ATXN7: variants seen among roughly 807,000 people sequenced by gnomAD.
ATXN7 encodes ataxin 7.
ATXN7 carries 12 observed loss-of-function variants against 70.5 expected under a neutral mutation model. That is an observed-to-expected ratio of 0.17 (90% CI 0.11 to 0.28). The LOEUF (loss-of-function observed/expected upper bound fraction) is 0.28, where lower values mean the gene tolerates loss of function less well. Among genes scored for constraint, ATXN7 ranks in the 10% least tolerant of loss-of-function variants. ATXN7 has a pLI of 1.00. For synonymous variants in ATXN7, 498 were observed against 448.7 expected, an observed-to-expected ratio of 1.11 and a Z score of -1.39; for missense variants, 1,256 against 1,131.7, an observed-to-expected ratio of 1.11 and a Z score of -1.58.
upstream of ATXN7, chr3:63,863,499 C>A: frequency 2.5e-6 from 3 of 1,181,888 alleles, no homozygotes; most frequent in Admixed American, 9.1e-5. Context: ...ACGCTCCCGG[C>A]ACACCCTATA....
chr3:63,895,803 G>GTC (rs1011848847), intron 1 of ATXN7, among the ~76,000 whole-genome samples: 7 of 149,322 alleles, frequency 4.7e-5, no homozygotes, highest in South Asian at 2.1e-4. Context: ...CTCTCTCTGT[G>GTC]TCTCTCTCTC....
intron 1 of ATXN7, among the ~76,000 whole-genome samples, chr3:63,889,069 C>G (rs1703179850): frequency 6.6e-6 from 1 of 152,098 alleles, no homozygotes; most frequent in Non-Finnish European, 1.5e-5. Flanking sequence ...CCATATATTT[C>G]TAGCTTGGGT....
intron 5 of ATXN7, among the ~76,000 whole-genome samples, chr3:63,964,647 C>A (rs1057060002): frequency 6.6e-6 from 1 of 152,166 alleles, no homozygotes. Context: ...GGTTTTAGCC[C>A]CCAAGGTGAA....
chr3:63,968,852 C>G (rs536081743), intron 5 of ATXN7, among the ~76,000 whole-genome samples: 3 of 152,132 alleles, frequency 2.0e-5, no homozygotes, highest in Admixed American at 6.6e-5. Context: ...AGATTTCATG[C>G]CTTGTGTAAT....
chr3:63,940,642 G>A (rs369207017), intron 4 of ATXN7, among the ~76,000 whole-genome samples: 12 of 152,170 alleles, frequency 7.9e-5, no homozygotes, highest in African/African-American at 2.4e-4. Flanking sequence ...GATATAGACC[G>A]CAACTTTTTA....
At chr3:63,902,573 C>T (rs1047773447) in intron 2 of ATXN7, among the ~76,000 whole-genome samples, 7 of 151,982 alleles carry the variant, frequency 4.6e-5, no homozygotes, top group East Asian at 3.9e-4. Flanking sequence ...TAAGGGGGAG[C>T]GGTGGATGCT....
At chr3:63,943,635 T>G (rs895855564) in intron 4 of ATXN7, among the ~76,000 whole-genome samples, 6 of 152,182 alleles carry the variant, frequency 3.9e-5, no homozygotes, top group African/African-American at 1.2e-4. Flanking sequence ...TATTGAGGTA[T>G]AGGCTAGTAA....
At chr3:63,889,699 G>C (rs1183512277) in intron 1 of ATXN7, among the ~76,000 whole-genome samples, 1 of 152,188 alleles carries the variant, frequency 6.6e-6, no homozygotes, top group Non-Finnish European at 1.5e-5. Context: ...TGAGCAAATA[G>C]AAAGTGAATC....
At chr3:63,870,874 C>G (rs1298114244) in intron 1 of ATXN7, among the ~76,000 whole-genome samples, 1 of 152,070 alleles carries the variant, frequency 6.6e-6, no homozygotes, top group Non-Finnish European at 1.5e-5. Context: ...TGTTCTAACC[C>G]CTGGAGATTA....
intron 5 of ATXN7, among the ~76,000 whole-genome samples, chr3:63,977,764 C>T (rs1333600497): frequency 6.6e-6 from 1 of 152,008 alleles, no homozygotes; most frequent in African/African-American, 2.4e-5. Context: ...TCCTGAAATC[C>T]TGTATGAAGA....
Position 63,863,941 on chromosome 3 carries a change from GCGCCGCGCCGCGCCGCCGCCGCCGC to G in ATXN7, c.-321_-297del, listed in dbSNP as rs1448223461. The G allele has an allele frequency of 1.8e-5, 3 of 169,022 alleles. No homozygotes were observed. Among genetic ancestry groups the G allele is most frequent in the Non-Finnish European group, 3.1e-5 (3 of 97,696 alleles). The allele number at this position is 169,022 out of a possible 1,614,324, so 10.5% of individuals were successfully genotyped here. A position where few individuals can be genotyped will look rare whatever the true frequency, so the allele number is the denominator to read the frequency against. ...GGCCGCCTGCTCCGACGCCTGAGCC[GCGCCGCGCCGCGCCGCCGCCGCCGC>G]CGCCGCCGCCGCGGGACCCGCGCTC... On this transcript the variant is annotated 5_prime_UTR_variant, in exon 1 of 13. An upstream open reading frame in the 5' UTR gains an earlier in-frame stop. Transcript: ENST00000674280.
chr3:63,899,807 C>T (rs1438698057), intron 2 of ATXN7, among the ~76,000 whole-genome samples: 2 of 151,966 alleles, frequency 1.3e-5, no homozygotes, highest in Non-Finnish European at 2.9e-5. Flanking sequence ...TTAGTAGACA[C>T]GGGGTTTCGC....
chr3:63,982,793 C>T (rs1031577157), intron 7 of ATXN7, 146 bp from the exon 8 acceptor site: 41 of 667,348 alleles, frequency 6.1e-5, no homozygotes, highest in Non-Finnish European at 9.1e-5. Context: ...AGCACTCACA[C>T]GTTGTATATT....
intron 6 of ATXN7, among the ~76,000 whole-genome samples, chr3:63,981,819 T>C (rs1284978390): frequency 1.3e-5 from 2 of 152,270 alleles, no homozygotes; most frequent in Non-Finnish European, 2.9e-5. Context: ...CCTCAAAAGA[T>C]ATTCTCCAAG....
chr3:63,941,287 C>T (rs1235788085), intron 4 of ATXN7, among the ~76,000 whole-genome samples: 2 of 151,778 alleles, frequency 1.3e-5, no homozygotes, highest in East Asian at 1.9e-4. Context: ...TGTCAGTGGC[C>T]TGTTAGCAGT....
chr3:63,914,982 C>A (rs1704205830), intron 4 of ATXN7, among the ~76,000 whole-genome samples: 1 of 151,574 alleles, frequency 6.6e-6, no homozygotes, highest in South Asian at 2.1e-4. Context: ...GTGGTGCGAT[C>A]TTGGCTCAGT....
intron 8 of ATXN7, among the ~76,000 whole-genome samples, chr3:63,987,636 T>A (rs1435249019): frequency 6.6e-6 from 1 of 152,170 alleles, no homozygotes; most frequent in Non-Finnish European, 1.5e-5. Flanking sequence ...ATGGAATGAT[T>A]GTTTCTTCCC....
chr3:63,907,813 A>G (rs546393506), intron 2 of ATXN7, among the ~76,000 whole-genome samples: 30 of 152,200 alleles, frequency 2.0e-4, no homozygotes, highest in African/African-American at 6.7e-4. Context: ...AAGACTTTAA[A>G]TCAACATTTC....
At chr3:63,875,136 G>C (rs1702712005) in intron 1 of ATXN7, among the ~76,000 whole-genome samples, 1 of 152,014 alleles carries the variant, frequency 6.6e-6, no homozygotes, top group South Asian at 2.1e-4. Flanking sequence ...TTTATTTTTT[G>C]TAGAGATAGG....
Sources: gnomAD v4.1 joint callset for allele counts (sites outside exome capture counted in the v4.1 genomes callset) on GRCh38, gnomAD v4.1.1 for gene constraint, MANE v1.5 for transcripts, NCBI Gene and HGNC (gene_info 2026-07-23, HGNC 2026-07-21) for gene names.